The following ZNF385D variants were observed in gnomAD, a reference collection of about 807,000 sequenced individuals.
ZNF385D encodes zinc finger protein 385D.
ZNF385D carries 15 observed loss-of-function variants against 35.8 expected under a neutral mutation model. The ratio of observed to expected loss-of-function variants is 0.42; its 90% confidence interval spans 0.28 to 0.64. The LOEUF (loss-of-function observed/expected upper bound fraction) is 0.64, where lower values mean the gene tolerates loss of function less well. Ranked by LOEUF, ZNF385D falls within the 30% of genes least tolerant of loss-of-function variation. The probability of loss-of-function intolerance (pLI) is 0.23; values close to 1 mark genes in which losing one functional copy is unlikely to be tolerated. For synonymous variants in ZNF385D, 212 were observed against 186.8 expected (o/e 1.13, Z -1.10); for missense variants, 474 against 494.6 (o/e 0.96, Z 0.39).
intron 2 of ZNF385D, among the ~76,000 whole-genome samples, chr3:21,653,619 A>C (rs1374471502): frequency 1.3e-5 from 2 of 152,072 alleles, no homozygotes; most frequent in Non-Finnish European, 2.9e-5. Flanking sequence ...AGCTCAAAAT[A>C]ATTATTTATC....
intron 2 of ZNF385D, among the ~76,000 whole-genome samples, chr3:22,236,600 A>G (rs1699197892): frequency 1.3e-5 from 2 of 152,182 alleles, no homozygotes; most frequent in South Asian, 2.1e-4. Flanking sequence ...AAAGTGCCCA[A>G]TTCAGAGATT....
chr3:21,583,306 G>A (rs1043399881), intron 2 of ZNF385D, among the ~76,000 whole-genome samples: 2 of 152,148 alleles, frequency 1.3e-5, no homozygotes, highest in Non-Finnish European at 2.9e-5. Context: ...AGGTTATTTT[G>A]TTAGAACACT....
At chr3:21,965,863 T>C (rs1380617333) in intron 3 of ZNF385D, among the ~76,000 whole-genome samples, 2 of 152,030 alleles carry the variant, frequency 1.3e-5, no homozygotes, top group Non-Finnish European at 1.5e-5. Context: ...GAGGAAGGAA[T>C]GGAAGAAGAA....
intron 3 of ZNF385D, among the ~76,000 whole-genome samples, chr3:22,111,501 A>G (rs933211962): frequency 3.9e-5 from 6 of 152,010 alleles, no homozygotes; most frequent in Non-Finnish European, 7.4e-5. Flanking sequence ...TTCTGTTCAC[A>G]CTCAGAAAAA....
At chr3:22,081,756 C>CA in intron 3 of ZNF385D, among the ~76,000 whole-genome samples, 1 of 152,094 alleles carries the variant, frequency 6.6e-6, no homozygotes, top group Non-Finnish European at 1.5e-5. Context: ...TCTATTGCCC[C>CA]AAAACGCTAA....
At chr3:21,985,799 G>T (rs1288076878) in intron 3 of ZNF385D, among the ~76,000 whole-genome samples, 2 of 99,896 alleles carry the variant, frequency 2.0e-5, no homozygotes, top group Non-Finnish European at 3.9e-5. Context: ...TCTGGTCCTG[G>T]ACTCTTTTTG....
chr3:22,117,889 A>T (rs1386560328), intron 3 of ZNF385D, among the ~76,000 whole-genome samples: 1 of 152,028 alleles, frequency 6.6e-6, no homozygotes, highest in Admixed American at 6.6e-5. Context: ...GATTTTAAAA[A>T]CGTAATTTCA....
intron 2 of ZNF385D, among the ~76,000 whole-genome samples, chr3:22,179,779 T>A (rs1256003601): frequency 6.6e-6 from 1 of 152,142 alleles, no homozygotes; most frequent in African/African-American, 2.4e-5. Context: ...TGGGACACAT[T>A]TAAAGCAGTG....
In ZNF385D at chr3:22,030,256, CATATATATATATATATATATATATATAT is replaced by C. The variant is rs71044967; in HGVS notation, c.325+138533_325+138560del. The stretch of plus-strand genomic sequence containing the variant: ...CAAGTTAATACTTAATAAACTCATT[CATATATATATATATATATATATATATAT>C]ATATATATATATATATATCCTATTT... On this transcript the variant is annotated intron_variant, in intron 3 of 5. Coordinates refer to the ZNF385D transcript ENST00000494108. 6.3e-3 allele frequency among the ~76,000 whole-genome samples: 138 copies of C among 21,738 alleles called. 11 individuals carry two copies. The highest frequency in any genetic ancestry group is 8.2e-3 in the Non-Finnish European group (92 of 11,152). The allele number at this position is 21,738 out of a possible 152,430, so 14.3% of individuals were successfully genotyped here.
At position 22,214,029 on chromosome 3, in the gene ZNF385D, C is replaced by A. The variant is rs1697694127; in HGVS notation, c.107-44994G>T. Reference sequence around the variant, plus strand: ...GGACAGTTCTGTGGGTCACAGTAACCCTGTCTTAGACAATGCTATGTGTTG... The same window carrying A: ...GGACAGTTCTGTGGGTCACAGTAACACTGTCTTAGACAATGCTATGTGTTG... On this transcript the variant is annotated intron_variant, in intron 2 of 5. Coordinates refer to the ZNF385D transcript ENST00000494108. 2.6e-5 allele frequency among the ~76,000 whole-genome samples: 4 copies of A among 151,940 alleles called. No homozygotes were observed. In the South Asian group the frequency reaches 8.3e-4, roughly 32 times the overall value.
intron 3 of ZNF385D, among the ~76,000 whole-genome samples, chr3:21,912,180 C>T (rs1699993194): frequency 1.3e-5 from 2 of 151,960 alleles, no homozygotes; most frequent in South Asian, 4.1e-4. Context: ...TCAACCATTT[C>T]TCTTCTTACA....
chr3:21,892,459 A>G lies in ZNF385D; in HGVS notation c.326-227431T>C, dbSNP rs541667842. Among the ~76,000 whole-genome samples, 5 of 152,266 alleles carry G rather than the reference A, an allele frequency of 3.3e-5. 1 individual carries two copies. In the South Asian group the frequency reaches 1.0e-3, roughly 32 times the overall value. ...CCCTTAACTCAATTTTGCTCCTCCA[A>G]ATAGACTTGTTTGTGCTTTGCTCTG... On this transcript the variant is annotated intron_variant, in intron 3 of 5. Coordinates refer to the ZNF385D transcript ENST00000494108.
intron 3 of ZNF385D, among the ~76,000 whole-genome samples, chr3:21,550,751 G>A (rs1447441939): frequency 2.0e-5 from 3 of 152,186 alleles, no homozygotes; most frequent in Non-Finnish European, 4.4e-5. Context: ...AAAGTGCTGG[G>A]ATTACAGTCG....
At chr3:22,037,542 C>A (rs1698409540) in intron 3 of ZNF385D, among the ~76,000 whole-genome samples, 2 of 152,200 alleles carry the variant, frequency 1.3e-5, no homozygotes, top group Admixed American at 6.5e-5. Flanking sequence ...ATCCTTCACC[C>A]ACTTTTTGAT....
upstream of ZNF385D, among the ~76,000 whole-genome samples, chr3:21,753,900 C>A (rs2070223710): frequency 6.6e-6 from 1 of 151,860 alleles, no homozygotes; most frequent in Non-Finnish European, 1.5e-5. Context: ...AGAGTTTGAC[C>A]TTTTTACACT....
chr3:21,493,254 T>C (rs1445092208), intron 4 of ZNF385D, among the ~76,000 whole-genome samples: 1 of 152,184 alleles, frequency 6.6e-6, no homozygotes, highest in Non-Finnish European at 1.5e-5. Context: ...GAGAGATTTA[T>C]GTTTCTACTA....
At chr3:22,291,414 G>A (rs1183506251) in intron 2 of ZNF385D, among the ~76,000 whole-genome samples, 1 of 151,624 alleles carries the variant, frequency 6.6e-6, no homozygotes, top group Non-Finnish European at 1.5e-5. Flanking sequence ...ATTATTTCAA[G>A]GTACATTAAT....
intron 2 of ZNF385D, among the ~76,000 whole-genome samples, chr3:22,223,704 A>G (rs927511888): frequency 6.6e-6 from 1 of 152,186 alleles, no homozygotes; most frequent in African/African-American, 2.4e-5. Flanking sequence ...CAAGACAAAG[A>G]AACAAAAATG....
intron 4 of ZNF385D, among the ~76,000 whole-genome samples, chr3:21,497,843 T>C (rs1053823647): frequency 1.3e-5 from 2 of 152,016 alleles, no homozygotes; most frequent in Non-Finnish European, 2.9e-5. Flanking sequence ...AGTGAGACGC[T>C]GTCTCAAAAA....
Sources: gnomAD v4.1 joint callset for allele counts (sites outside exome capture counted in the v4.1 genomes callset) on GRCh38, gnomAD v4.1.1 for gene constraint, MANE v1.5 for transcripts, NCBI Gene and HGNC (gene_info 2026-07-23, HGNC 2026-07-21) for gene names.